The following RPS6KC1 variants were observed in gnomAD, a reference collection of about 807,000 sequenced individuals.
The protein encoded by RPS6KC1 is ribosomal protein S6 kinase C1.
Under a neutral mutation model 103.8 loss-of-function variants are expected in RPS6KC1, and 54 were observed. The observed-to-expected ratio is 0.52, with a 90% CI of 0.42 to 0.65. RPS6KC1 has a LOEUF of 0.65. Ranked by LOEUF, RPS6KC1 falls within the 30% of genes least tolerant of loss-of-function variation. The pLI is 0.00. For missense variants in RPS6KC1, 1,151 were observed against 1,253.8 expected (o/e 0.92, Z 1.24); for synonymous variants, 439 against 438.7 (o/e 1.00, Z -0.01).
chr1:213,295,118 A>G, the RPS6KC1 span, among the ~76,000 whole-genome samples: 1 of 152,152 alleles, frequency 6.6e-6, no homozygotes, highest in African/African-American at 2.4e-5. Context: ...TTGTTTCAGA[A>G]GAATTCTGAA....
chr1:213,712,505 C>T, the RPS6KC1 span, among the ~76,000 whole-genome samples: 1 of 152,212 alleles, frequency 6.6e-6, no homozygotes, highest in African/African-American at 2.4e-5. Flanking sequence ...GCTTCAGCCC[C>T]CTTTCCAGGG....
At position 213,109,718 on chromosome 1, in the gene RPS6KC1, C is replaced by T. The variant is rs551706765; in HGVS notation, c.378+5149C>T. On this transcript the variant is annotated intron_variant, in intron 4 of 14. Coordinates refer to ENST00000366960, the MANE Select transcript of RPS6KC1 (RefSeq NM_012424.6). ...TGTGTTGGTGCATATTTGGGTTGTT[C>T]CCCTTTTGGCTATTATGAATGGTGC... is the stretch of plus-strand genomic sequence containing the variant. Among the ~76,000 whole-genome samples, 16 of 152,014 alleles carry T rather than the reference C, an allele frequency of 1.1e-4. No homozygotes were observed. The East Asian group carries it at 3.1e-3, about 29-fold the overall frequency.
At chr1:213,360,620 G>A in the RPS6KC1 span, among the ~76,000 whole-genome samples, 1 of 152,308 alleles carries the variant, frequency 6.6e-6, no homozygotes, top group Non-Finnish European at 1.5e-5. Flanking sequence ...TCCTTTGGAG[G>A]AGGAGAAGCG....
chr1:213,096,558 G>T (rs573216265), intron 3 of RPS6KC1, among the ~76,000 whole-genome samples: 1 of 151,948 alleles, frequency 6.6e-6, no homozygotes, highest in Non-Finnish European at 1.5e-5. Flanking sequence ...CCAGCTACTC[G>T]GGAGGCTGAG....
chr1:213,828,451 G>A, the RPS6KC1 span, among the ~76,000 whole-genome samples: 40 of 152,118 alleles, frequency 2.6e-4, no homozygotes, highest in Non-Finnish European at 4.0e-4. Context: ...CAAGGGGGCC[G>A]GAAAAGTCCA....
the RPS6KC1 span, among the ~76,000 whole-genome samples, chr1:213,452,017 C>G: frequency 6.6e-6 from 1 of 152,210 alleles, no homozygotes; most frequent in Non-Finnish European, 1.5e-5. Context: ...CAAGAGCCAA[C>G]AGAACAGCTG....
chr1:213,461,970 A>G, the RPS6KC1 span, among the ~76,000 whole-genome samples: 1 of 152,234 alleles, frequency 6.6e-6, no homozygotes, highest in African/African-American at 2.4e-5. Flanking sequence ...AACTATCATC[A>G]GAATGAAGAG....
the RPS6KC1 span, among the ~76,000 whole-genome samples, chr1:213,448,356 G>A: frequency 6.6e-6 from 1 of 152,234 alleles, no homozygotes. Context: ...TGGAAGCAGA[G>A]TCTCTGGGGT....
At chr1:213,101,840 C>G (rs543491665) in intron 3 of RPS6KC1, among the ~76,000 whole-genome samples, 123 of 152,144 alleles carry the variant, frequency 8.1e-4, no homozygotes, top group Non-Finnish European at 1.6e-3. Context: ...AGCACTGATT[C>G]ATACTTTCTT....
chr1:213,216,040 A>T (rs1464967102), intron 8 of RPS6KC1, among the ~76,000 whole-genome samples: 1 of 152,206 alleles, frequency 6.6e-6, no homozygotes, highest in East Asian at 1.9e-4. Flanking sequence ...ATTAACCTTA[A>T]ATGTAAATGG....
chr1:213,329,529 T>C, the RPS6KC1 span, among the ~76,000 whole-genome samples: 6 of 151,852 alleles, frequency 4.0e-5, no homozygotes, highest in South Asian at 2.1e-4. Context: ...CACCACCAGA[T>C]AGAGCCTTCT....
At chr1:213,639,120 A>AT in the RPS6KC1 span, among the ~76,000 whole-genome samples, 749 of 152,198 alleles carry the variant, frequency 4.9e-3, 9 homozygotes, top group African/African-American at 0.017. Context: ...TGTAAATGGT[A>AT]TGGTTTAATT....
the RPS6KC1 span, among the ~76,000 whole-genome samples, chr1:213,494,178 G>A: frequency 6.6e-6 from 1 of 152,192 alleles, no homozygotes; most frequent in East Asian, 1.9e-4. Context: ...CACACTTGTA[G>A]AAAGGAACTA....
chr1:213,387,566 G>T, the RPS6KC1 span, among the ~76,000 whole-genome samples: 23 of 152,212 alleles, frequency 1.5e-4, no homozygotes, highest in Non-Finnish European at 1.2e-4. Flanking sequence ...TTCCTGAAAA[G>T]TTGAGCATAT....
the RPS6KC1 span, among the ~76,000 whole-genome samples, chr1:213,345,018 T>G: frequency 6.6e-6 from 1 of 152,212 alleles, no homozygotes; most frequent in Non-Finnish European, 1.5e-5. Context: ...TTTAGTATAT[T>G]TTTCTTCAAG....
At chr1:213,359,942 G>C in the RPS6KC1 span, among the ~76,000 whole-genome samples, 1 of 152,190 alleles carries the variant, frequency 6.6e-6, no homozygotes, top group African/African-American at 2.4e-5. Flanking sequence ...AGTCTGATGG[G>C]CTTCCCTTTG....
chr1:213,779,724 A>G, the RPS6KC1 span, among the ~76,000 whole-genome samples: 1 of 152,216 alleles, frequency 6.6e-6, no homozygotes, highest in Admixed American at 6.5e-5. Context: ...CAAGTTGATG[A>G]CTTGTTATAC....
Position 213,195,275 on chromosome 1 carries a change from C to T in RPS6KC1, c.1044+18783C>T, listed in dbSNP as rs2092902528. ...ACATAGAACTATTAATATGTACACA[C>T]ATAATACCAGTGTCAATTTTCTGCC... On this transcript the variant is annotated intron_variant, in intron 8 of 14. Coordinates refer to ENST00000366960, the MANE Select transcript of RPS6KC1 (RefSeq NM_012424.6). 2.6e-5 allele frequency among the ~76,000 whole-genome samples: 4 copies of T among 152,088 alleles called. No individual in the cohort carries two copies. In the South Asian group the frequency reaches 8.3e-4, roughly 32 times the overall value.
downstream of RPS6KC1, chr1:213,274,834 T>C (rs151335407): frequency 3.9e-4 from 60 of 152,342 alleles, no homozygotes; most frequent in East Asian, 9.6e-3. Context: ...CACCATTTTA[T>C]CCGTTTTAAA....
Sources: gnomAD v4.1 joint callset for allele counts (sites outside exome capture counted in the v4.1 genomes callset) on GRCh38, gnomAD v4.1.1 for gene constraint, MANE v1.5 for transcripts, NCBI Gene and HGNC (gene_info 2026-07-23, HGNC 2026-07-21) for gene names.